The following FBXW10 variants were observed in gnomAD, a reference collection of about 807,000 sequenced individuals.
FBXW10 encodes the protein F-box and WD repeat domain containing 10.
In FBXW10, 68 loss-of-function variants were observed where a neutral mutation model predicts 113.1. The observed-to-expected ratio is 0.60, with a 90% CI of 0.49 to 0.74. FBXW10 has a LOEUF of 0.74. Ranked by LOEUF, FBXW10 falls within the 30% of genes least tolerant of loss-of-function variation. The pLI, the probability that FBXW10 is intolerant of heterozygous loss-of-function variation, is 0.00. For missense variants in FBXW10, 753 were observed against 1,284.5 expected (o/e 0.59, Z 6.32); for synonymous variants, 289 against 481.6 (o/e 0.60, Z 5.24).
chr17:18,768,058 C>T (rs2151822578), intron 9 of FBXW10, among the ~76,000 whole-genome samples: 1 of 145,746 alleles, frequency 6.9e-6, no homozygotes, highest in Admixed American at 7.0e-5. Context: ...TTCCTTCTTT[C>T]TTTCTTTCTT....
At position 18,748,408 on chromosome 17, in the gene FBXW10, CAA is replaced by C. The variant is rs57336039; in HGVS notation, c.670+326_670+327del. On this transcript the variant is annotated intron_variant, in intron 2 of 13. Coordinates refer to ENST00000395665, the MANE Select transcript of FBXW10 (RefSeq NM_001267585.2). ...CCTGGGCAACAGAGCGAGACTGTCT[CAA>C]AAAAAAAAAAAAAAAAAAAAAAGAA... Among the ~76,000 whole-genome samples the C allele has an allele frequency of 8.4e-4, 43 of 51,406 alleles. 1 individual carries two copies. Among genetic ancestry groups the C allele is most frequent in the East Asian group, 1.5e-3 (3 of 1,938 alleles). 33.7% of individuals were successfully genotyped at this position (51,406 alleles called of 152,430 possible).
chr17:18,751,612 T>G (rs2035173435), intron 5 of FBXW10, among the ~76,000 whole-genome samples: 1 of 152,204 alleles, frequency 6.6e-6, no homozygotes, highest in African/African-American at 2.4e-5. Flanking sequence ...GGTTCTTCCT[T>G]ACTTCAAAGC....
At chr17:18,750,874 C>A in intron 4 of FBXW10, 57 bp from the exon 5 acceptor site, 2 of 1,563,940 alleles carry the variant, frequency 1.3e-6, no homozygotes, top group Admixed American at 1.9e-5. Context: ...AGAGTTGGAG[C>A]CAAGAGAAGC....
At chr17:18,760,080 T>A (rs56296620) in intron 7 of FBXW10, among the ~76,000 whole-genome samples, 9,351 of 152,216 alleles carry the variant, frequency 0.061, 319 homozygotes, top group South Asian at 0.086. Context: ...TAATTTACAT[T>A]CCCATTAGCA....
At chr17:18,771,639 C>T (rs531602104) in intron 11 of FBXW10, among the ~76,000 whole-genome samples, 46 of 151,950 alleles carry the variant, frequency 3.0e-4, no homozygotes, top group Non-Finnish European at 3.1e-4. Context: ...AAGAGGCCTC[C>T]CCATTAGAGA....
chr17:18,744,979 A>T (rs1404485661), intron 1 of FBXW10: 9 of 1,417,488 alleles, frequency 6.3e-6, no homozygotes, highest in Non-Finnish European at 5.5e-6. Flanking sequence ...AGGAGGAAGT[A>T]CACAACTTTT....
chr17:18,775,949 C>T (rs1332641977), intron 13 of FBXW10, among the ~76,000 whole-genome samples: 1 of 151,470 alleles, frequency 6.6e-6, no homozygotes, highest in Admixed American at 6.6e-5. Flanking sequence ...CCTTTGAGTC[C>T]AGGAGCTTGA....
At chr17:18,759,993 C>A (rs140493980) in intron 7 of FBXW10, among the ~76,000 whole-genome samples, 1 of 152,038 alleles carries the variant, frequency 6.6e-6, no homozygotes, top group African/African-American at 2.4e-5. Context: ...CCCATGTGCA[C>A]GAGTTTTTTA....
chr17:18,747,582 A>G, intron 1 of FBXW10, among the ~76,000 whole-genome samples: 1 of 152,098 alleles, frequency 6.6e-6, no homozygotes, highest in Non-Finnish European at 1.5e-5. Context: ...ACAAACCAAA[A>G]AAAAGTTAAA....
intron 3 of FBXW10, 38 bp from the exon 4 acceptor site, chr17:18,749,972 C>T: frequency 6.2e-7 from 1 of 1,613,978 alleles, no homozygotes; most frequent in Non-Finnish European, 8.5e-7. Context: ...CCTCTTGGCC[C>T]AGTTCTGGGG....
At chr17:18,761,731 C>T (rs1188220518) in intron 7 of FBXW10, among the ~76,000 whole-genome samples, 5 of 152,038 alleles carry the variant, frequency 3.3e-5, no homozygotes, top group Non-Finnish European at 5.9e-5. Flanking sequence ...TTTCTTAGAG[C>T]CTTAAAGTTT....
At chr17:18,768,177 C>T (rs796253828) in intron 9 of FBXW10, among the ~76,000 whole-genome samples, 6 of 152,148 alleles carry the variant, frequency 3.9e-5, no homozygotes, top group African/African-American at 1.4e-4. Flanking sequence ...AAGCGATTCT[C>T]CTGCCTCAGC....
chr17:18,764,837 C>G lies in FBXW10; in HGVS notation c.1529C>G (p.Ser510Cys). ...GACTTGTGTAAGAACAGGCTCGTAT[C>G]TGGAGGAAGAGATTGCCAGGTAAAA... The part of the protein sequence containing the change: ...CMDLCKNRLV[S>C]GGRDCQVKVW... Residue 510 changes from serine to cysteine, a missense_variant, in exon 8 of 14, where the codon TCT (serine) becomes TGT (cysteine). Coordinates refer to ENST00000395665, the MANE Select transcript of FBXW10 (RefSeq NM_001267585.2). The G allele has an allele frequency of 1.9e-6, 3 of 1,613,966 alleles. No homozygotes were observed. The highest frequency in any genetic ancestry group is 2.5e-6 in the Non-Finnish European group (3 of 1,179,868).
chr17:18,775,277 G>A (rs1182678611), intron 13 of FBXW10, 85 bp downstream of exon 13: 3 of 858,580 alleles, frequency 3.5e-6, no homozygotes, highest in Non-Finnish European at 6.0e-6. Flanking sequence ...TCCACAGCAG[G>A]AGATAAGACA....
intron 13 of FBXW10, among the ~76,000 whole-genome samples, chr17:18,778,197 G>A (rs1011791766): frequency 3.1e-4 from 47 of 152,222 alleles, no homozygotes; most frequent in Non-Finnish European, 5.9e-4. Context: ...AGCTTGCAGT[G>A]AGCAGAGATC....
intron 1 of FBXW10, among the ~76,000 whole-genome samples, chr17:18,746,872 T>G (rs190206291): frequency 1.6e-4 from 25 of 152,156 alleles, no homozygotes; most frequent in Admixed American, 4.6e-4. Context: ...GAATGGGCTA[T>G]TTACACTGGA....
intron 5 of FBXW10, among the ~76,000 whole-genome samples, chr17:18,751,482 G>A (rs895298969): frequency 1.3e-5 from 2 of 151,994 alleles, no homozygotes; most frequent in African/African-American, 4.8e-5. Flanking sequence ...CTCCCGCCTC[G>A]GCCTCCCAAA....
intron 7 of FBXW10, among the ~76,000 whole-genome samples, chr17:18,759,539 T>G (rs2035337863): frequency 6.6e-6 from 1 of 152,232 alleles, no homozygotes; most frequent in African/African-American, 2.4e-5. Context: ...ACTGAGATAC[T>G]GTATTAAATT....
intron 7 of FBXW10, among the ~76,000 whole-genome samples, chr17:18,761,087 T>C (rs1247561612): frequency 6.6e-6 from 1 of 152,130 alleles, no homozygotes; most frequent in Non-Finnish European, 1.5e-5. Flanking sequence ...GGTGCTATCT[T>C]TATCACATTG....
Sources: allele counts gnomAD v4.1 joint callset (sites outside exome capture counted in the v4.1 genomes callset), GRCh38; gene constraint gnomAD v4.1.1; transcripts MANE v1.5; gene names NCBI Gene and HGNC (gene_info 2026-07-23, HGNC 2026-07-21).